The following SPIRE1 variants were observed in gnomAD, a reference collection of about 807,000 sequenced individuals.
SPIRE1 encodes the protein protein spire homolog 1.
Under a neutral mutation model 94.1 loss-of-function variants are expected in SPIRE1, and 40 were observed. The ratio of observed to expected loss-of-function variants is 0.43; its 90% CI spans 0.33 to 0.55. The LOEUF (loss-of-function observed/expected upper bound fraction) is 0.55, where lower values mean the gene tolerates loss of function less well. Among genes scored for constraint, SPIRE1 ranks in the 20% least tolerant of loss-of-function variants. SPIRE1 has a pLI of 0.06. For missense variants in SPIRE1, 838 were observed against 975.2 expected, an observed-to-expected ratio of 0.86 and a Z score of 1.87; for synonymous variants, 376 against 371.7, an observed-to-expected ratio of 1.01 and a Z score of -0.13.
intron 4 of SPIRE1, among the ~76,000 whole-genome samples, chr18:12,524,490 T>C (rs1170895717): frequency 6.6e-6 from 1 of 152,224 alleles, no homozygotes; most frequent in Non-Finnish European, 1.5e-5. Context: ...GGGAAAAATG[T>C]TTTCTTTTCT....
At chr18:12,597,925 G>C (rs1159604072) in intron 2 of SPIRE1, among the ~76,000 whole-genome samples, 1 of 152,160 alleles carries the variant, frequency 6.6e-6, no homozygotes, top group Non-Finnish European at 1.5e-5. Context: ...GTAAGACTGA[G>C]GAAAACTGCA....
At chr18:12,517,044 T>C (rs1166803458) in intron 4 of SPIRE1, among the ~76,000 whole-genome samples, 1 of 152,202 alleles carries the variant, frequency 6.6e-6, no homozygotes, top group Non-Finnish European at 1.5e-5. Context: ...CTGCGTGACT[T>C]TGGGGAAATT....
intron 3 of SPIRE1, among the ~76,000 whole-genome samples, chr18:12,537,290 GACA>G (rs1158773708): frequency 2.0e-5 from 3 of 152,164 alleles, no homozygotes; most frequent in Non-Finnish European, 2.9e-5. Flanking sequence ...GGTAATGAAA[GACA>G]ACAACTGAGG....
At chr18:12,627,846 A>G (rs1318338689) in intron 2 of SPIRE1, among the ~76,000 whole-genome samples, 2 of 152,144 alleles carry the variant, frequency 1.3e-5, no homozygotes, top group Non-Finnish European at 2.9e-5. Flanking sequence ...TTGGCTGCAT[A>G]AATGTCTTCT....
intron 12 of SPIRE1, among the ~76,000 whole-genome samples, chr18:12,461,153 G>T (rs1282358504): frequency 2.6e-5 from 4 of 152,160 alleles, no homozygotes; most frequent in Non-Finnish European, 5.9e-5. Flanking sequence ...ACACAGTCAT[G>T]GGCCCTTGGG....
rs750371630 is a variant in SPIRE1 at position 12,546,861 on chromosome 18, T to C, written c.416A>G (p.Tyr139Cys). 1 of 1,614,090 alleles carries C rather than the reference T, an allele frequency of 6.2e-7. No individual in the cohort carries two copies. Among genetic ancestry groups the C allele is most frequent in the Non-Finnish European group, 8.5e-7 (1 of 1,179,982 alleles). ...LGIIIYKALD[Y>C]GLKENEEREL... ...CCTTTCTTCATTCTCCTTCAAACCA[T>C]AGTCCAGTGCTTTATAAATAATAAT... The change falls in exon 3 of 17, where the codon TAT (tyrosine) becomes TGT (cysteine). Residue 139 changes from tyrosine to cysteine, a missense_variant. This residue lies in a region of SPIRE1 where 645 missense variants were observed against 804.7 expected (regional missense o/e 0.80). Coordinates refer to ENST00000409402, the MANE Select transcript of SPIRE1 (RefSeq NM_001128626.2).
chr18:12,590,118 ACT>A (rs142914124), intron 2 of SPIRE1, among the ~76,000 whole-genome samples: 20,597 of 147,892 alleles, frequency 0.14, 1,636 homozygotes, highest in African/African-American at 0.2. Flanking sequence ...ACGGAGTTTC[ACT>A]CTTGTCGCCC....
chr18:12,495,959 GAGTAGAATA>G, intron 7 of SPIRE1, 48 bp downstream of exon 7: 2 of 1,342,156 alleles, frequency 1.5e-6, no homozygotes, highest in Non-Finnish European at 2.1e-6. Flanking sequence ...TGACACCCTA[GAGTAGAATA>G]ATTCATTATG....
At chr18:12,513,687 C>T (rs1456069127) in intron 4 of SPIRE1, among the ~76,000 whole-genome samples, 15 of 151,960 alleles carry the variant, frequency 9.9e-5, no homozygotes, top group Admixed American at 9.8e-4. Context: ...CCACGCCTGG[C>T]TAATTTTGTA....
intron 10 of SPIRE1, among the ~76,000 whole-genome samples, chr18:12,469,289 G>A (rs1203212560): frequency 6.6e-6 from 1 of 151,404 alleles, no homozygotes; most frequent in Non-Finnish European, 1.5e-5. Context: ...TGCAATTTCC[G>A]CCTCTTGGGT....
chr18:12,602,252 G>A (rs1034292649), intron 2 of SPIRE1, among the ~76,000 whole-genome samples: 17 of 152,056 alleles, frequency 1.1e-4, no homozygotes, highest in African/African-American at 3.6e-4. Context: ...GGAAGGAAAT[G>A]GTAGTAAAAA....
chr18:12,543,928 C>T (rs889246813), intron 3 of SPIRE1, among the ~76,000 whole-genome samples: 2 of 152,188 alleles, frequency 1.3e-5, no homozygotes, highest in Non-Finnish European at 2.9e-5. Context: ...ATCTGCACTA[C>T]ACGATGAGGA....
At chr18:12,544,517 T>C (rs2035103451) in intron 3 of SPIRE1, among the ~76,000 whole-genome samples, 2 of 151,694 alleles carry the variant, frequency 1.3e-5, no homozygotes, top group South Asian at 2.1e-4. Flanking sequence ...TTTTTTTTTT[T>C]CCTTTTAAAT....
Position 12,454,459 on chromosome 18 carries a change from A to G in SPIRE1, c.1663T>C (p.Cys555Arg). Residue 555 changes from cysteine to arginine, a missense_variant, in exon 13 of 17, where the codon TGC becomes CGC. Physicochemically the swap from Cys to Arg is radical, Grantham distance 180. This residue lies in a region of SPIRE1 where 645 missense variants were observed against 804.7 expected (regional missense o/e 0.80). Transcript: ENST00000409402. ...SLEEFCYPVE[C>R]LALTVEEVMH... ...ACTTCTTCCACAGTAAGAGCGAGGC[A>G]TTCCACTGGGTAGCAGAATTCCTCC... 1 of 1,613,858 alleles carries G rather than the reference A, an allele frequency of 6.2e-7. No individual in the cohort carries two copies. Among genetic ancestry groups the G allele is most frequent in the Non-Finnish European group, 8.5e-7 (1 of 1,179,984 alleles).
chr18:12,657,971 CGCCGCCCAACGCG>C lies in SPIRE1; in HGVS notation c.-118_-106del. 1 of 994,972 alleles carries C rather than the reference CGCCGCCCAACGCG, an allele frequency of 1.0e-6. No individual in the cohort carries two copies. The highest frequency in any genetic ancestry group is 1.2e-6 in the Non-Finnish European group (1 of 837,158). 61.6% of individuals were successfully genotyped at this position (994,972 alleles called of 1,614,324 possible). On this transcript the variant is annotated 5_prime_UTR_variant, in exon 1 of 17. Coordinates refer to ENST00000409402, the MANE Select transcript of SPIRE1 (RefSeq NM_001128626.2). ...GCCGCCTCACCATCCCCGGAACCGC[CGCCGCCCAACGCG>C]GCCGCGCGCGCCGCCGCCGGGACCA...
intron 5 of SPIRE1, 63 bp downstream of exon 5, chr18:12,512,386 CAAAAA>C: frequency 9.7e-7 from 1 of 1,032,254 alleles, no homozygotes; most frequent in Non-Finnish European, 1.4e-6. Flanking sequence ...GACTCTGTCT[CAAAAA>C]AAAAAAAAAA....
At chr18:12,513,522 TTTATTTA>T (rs2034103700) in intron 4 of SPIRE1, among the ~76,000 whole-genome samples, 1 of 150,924 alleles carries the variant, frequency 6.6e-6, no homozygotes, top group Non-Finnish European at 1.5e-5. Flanking sequence ...TATTTATTTA[TTTATTTA>T]TTTATTTATT....
At chr18:12,604,245 G>A (rs984634834) in intron 2 of SPIRE1, among the ~76,000 whole-genome samples, 1 of 152,068 alleles carries the variant, frequency 6.6e-6, no homozygotes, top group Non-Finnish European at 1.5e-5. Context: ...GCTCAAAGTG[G>A]GGGTCAGTCG....
intron 2 of SPIRE1, among the ~76,000 whole-genome samples, chr18:12,568,790 C>A (rs2035356527): frequency 6.6e-6 from 1 of 152,150 alleles, no homozygotes; most frequent in Non-Finnish European, 1.5e-5. Context: ...ATTATTTCCT[C>A]TCAGACATAT....
Sources: allele counts gnomAD v4.1 joint callset (sites outside exome capture counted in the v4.1 genomes callset), GRCh38; gene constraint gnomAD v4.1.1; regional missense constraint gnomAD v4.1.1; transcripts MANE v1.5; gene names NCBI Gene and HGNC (gene_info 2026-07-23, HGNC 2026-07-21).